Variants in RPS6KA5 observed in about 807,000 individuals in gnomAD.
RPS6KA5 encodes ribosomal protein S6 kinase A5.
In RPS6KA5, 27 loss-of-function variants were observed where a neutral mutation model predicts 85.5. The ratio of observed to expected loss-of-function variants is 0.32; its 90% CI spans 0.23 to 0.44. The LOEUF (loss-of-function observed/expected upper bound fraction) is 0.44. Among genes scored for constraint, RPS6KA5 ranks in the 20% least tolerant of loss-of-function variants. RPS6KA5 has a pLI of 1.00. For missense variants in RPS6KA5, 811 were observed against 980.9 expected (o/e 0.83, Z 2.31); for synonymous variants, 334 against 348.2 (o/e 0.96, Z 0.46).
At chr14:90,994,435 CTTAA>C (rs1275546654) in intron 2 of RPS6KA5, among the ~76,000 whole-genome samples, 1 of 151,784 alleles carries the variant, frequency 6.6e-6, no homozygotes, top group African/African-American at 2.4e-5. Flanking sequence ...CAAATCTCTT[CTTAA>C]TTAAAAACAT....
At chr14:90,939,691 C>T (rs1053625796) in intron 5 of RPS6KA5, among the ~76,000 whole-genome samples, 1 of 152,260 alleles carries the variant, frequency 6.6e-6, no homozygotes, top group Non-Finnish European at 1.5e-5. Context: ...GACTTATTCA[C>T]TATCACAAGA....
chr14:91,049,866 C>G (rs2043003988), intron 1 of RPS6KA5, among the ~76,000 whole-genome samples: 1 of 152,184 alleles, frequency 6.6e-6, no homozygotes, highest in Admixed American at 6.5e-5. Flanking sequence ...TGCTACTGTA[C>G]TGAATACCAT....
intron 12 of RPS6KA5, 78 bp downstream of exon 12, chr14:90,899,251 C>T: frequency 9.9e-7 from 1 of 1,013,916 alleles, no homozygotes; most frequent in Non-Finnish European, 1.5e-6. Context: ...CCCAGCAGCA[C>T]CAACAAAACG....
At chr14:91,059,780 G>A (rs1265191317) in intron 1 of RPS6KA5, among the ~76,000 whole-genome samples, 1 of 152,224 alleles carries the variant, frequency 6.6e-6, no homozygotes, top group Non-Finnish European at 1.5e-5. Context: ...TGGAGCCGGC[G>A]ATTCCTGTTC....
chr14:91,033,919 A>G (rs189787503), intron 1 of RPS6KA5, among the ~76,000 whole-genome samples: 3 of 152,342 alleles, frequency 2.0e-5, no homozygotes, highest in East Asian at 3.9e-4. Flanking sequence ...TCATACACAT[A>G]AGTTTAAATC....
intron 5 of RPS6KA5, among the ~76,000 whole-genome samples, chr14:90,939,739 C>G (rs1041416004): frequency 6.6e-6 from 1 of 151,580 alleles, no homozygotes; most frequent in African/African-American, 2.4e-5. Context: ...ATTCAGTTAA[C>G]TCCCCACCAG....
chr14:90,850,230 G>A lies in RPS6KA5; in HGVS notation c.*21844C>T, dbSNP rs1004568231. 1.3e-5 allele frequency: 2 copies of A among 152,170 alleles called. No individual in the cohort carries two copies. The highest frequency in any genetic ancestry group is 2.9e-5 in the Non-Finnish European group (2 of 68,050). 9.4% of individuals were successfully genotyped at this position (152,170 alleles called of 1,614,324 possible). A position where few individuals can be genotyped will look rare whatever the true frequency, so the allele number is the denominator to read the frequency against. ...ACCAGCCATTGACCTGAAATGAACTGCTTCAACGTGTTCTGAAGGACCTTT... is the reference window on the plus strand; with the variant it reads ...ACCAGCCATTGACCTGAAATGAACTACTTCAACGTGTTCTGAAGGACCTTT... On this transcript the variant is annotated 3_prime_UTR_variant, in exon 17 of 17. Transcript: ENST00000614987.
chr14:91,011,280 G>A (rs1422021812), intron 1 of RPS6KA5, among the ~76,000 whole-genome samples: 1 of 152,138 alleles, frequency 6.6e-6, no homozygotes, highest in Non-Finnish European at 1.5e-5. Context: ...GAGGTCAAGA[G>A]ATCGAGACCA....
In RPS6KA5 at chr14:91,060,402, G is replaced by C; in HGVS notation, c.33C>G (p.Ala11=). 1 of 1,505,176 alleles carries C rather than the reference G, an allele frequency of 6.6e-7. No individual in the cohort carries two copies. Among genetic ancestry groups the C allele is most frequent in the Admixed American group, 2.0e-5 (1 of 49,902 alleles). The allele number at this position is 1,505,176 out of a possible 1,614,324, so 93.2% of individuals were successfully genotyped here. A position where few individuals can be genotyped will look rare whatever the true frequency, so the allele number is the denominator to read the frequency against. The change falls in exon 1 of 17, where the codon GCC becomes GCG. Residue 11 remains alanine, a synonymous_variant. Coordinates refer to ENST00000614987, the MANE Select transcript of RPS6KA5 (RefSeq NM_004755.4). MEEEGGSSGG[A]AGTSADGGDG... is the part of the protein sequence containing the mutation. ...CGCCGCCGTCCGCGCTGGTCCCCGC[G>C]GCGCCGCCGCTGCTGCCACCCTCCT...
At chr14:91,055,843 TG>T (rs976133870) in intron 1 of RPS6KA5, among the ~76,000 whole-genome samples, 1 of 152,214 alleles carries the variant, frequency 6.6e-6, no homozygotes, top group South Asian at 2.1e-4. Flanking sequence ...CACTTGTTTT[TG>T]GGGAAACCAG....
At chr14:90,925,969 A>G (rs974691365) in intron 5 of RPS6KA5, among the ~76,000 whole-genome samples, 3 of 151,592 alleles carry the variant, frequency 2.0e-5, no homozygotes, top group South Asian at 4.1e-4. Context: ...AAAAGAAAAG[A>G]AAAGAAGAAA....
At chr14:90,976,533 G>A (rs2039577273) in intron 3 of RPS6KA5, among the ~76,000 whole-genome samples, 1 of 152,148 alleles carries the variant, frequency 6.6e-6, no homozygotes, top group South Asian at 2.1e-4. Context: ...GTGTTCATTT[G>A]AGGGAAGGGT....
intron 8 of RPS6KA5, among the ~76,000 whole-genome samples, chr14:90,903,808 C>T (rs2035326522): frequency 6.6e-6 from 1 of 152,110 alleles, no homozygotes; most frequent in African/African-American, 2.4e-5. Flanking sequence ...TTTTATGTAT[C>T]ATTAAGAAGA....
intron 1 of RPS6KA5, among the ~76,000 whole-genome samples, chr14:91,035,437 A>G (rs1487598100): frequency 6.6e-6 from 1 of 152,198 alleles, no homozygotes; most frequent in Middle Eastern, 3.2e-3. Flanking sequence ...TCCCCCAGAA[A>G]GAGTCCAGCC....
chr14:90,992,588 T>A, intron 2 of RPS6KA5, among the ~76,000 whole-genome samples: 1 of 152,208 alleles, frequency 6.6e-6, no homozygotes, highest in Middle Eastern at 3.2e-3. Flanking sequence ...CTTTATACTG[T>A]CCTAGTGTGT....
At chr14:90,885,700 C>T (rs1595124985) in intron 14 of RPS6KA5, among the ~76,000 whole-genome samples, 1 of 131,920 alleles carries the variant, frequency 7.6e-6, no homozygotes, top group Admixed American at 8.3e-5. Flanking sequence ...GGAGATCACG[C>T]CACTGCACTC....
intron 7 of RPS6KA5, among the ~76,000 whole-genome samples, chr14:90,914,347 T>C (rs1045830677): frequency 4.5e-5 from 5 of 111,932 alleles, no homozygotes; most frequent in Admixed American, 4.0e-4. Context: ...GGAGTTTCAC[T>C]CTTTCACAAC....
chr14:90,889,479 T>C (rs1431560368), intron 14 of RPS6KA5, among the ~76,000 whole-genome samples: 3 of 152,166 alleles, frequency 2.0e-5, no homozygotes, highest in African/African-American at 7.2e-5. Context: ...GAACATAATC[T>C]GATAAATCTT....
At chr14:91,030,693 A>G (rs959904493) in intron 1 of RPS6KA5, among the ~76,000 whole-genome samples, 1 of 151,454 alleles carries the variant, frequency 6.6e-6, no homozygotes, top group Non-Finnish European at 1.5e-5. Context: ...TAACTTCATA[A>G]AAAGTATAAT....
Sources: allele counts gnomAD v4.1 joint callset (sites outside exome capture counted in the v4.1 genomes callset), GRCh38; gene constraint gnomAD v4.1.1; transcripts MANE v1.5; gene names NCBI Gene and HGNC (gene_info 2026-07-23, HGNC 2026-07-21).